Variants in CDH23 observed in about 807,000 individuals in gnomAD.
CDH23 encodes the protein cadherin related 23, also known as cadherin-23.
A neutral mutation model predicts 317.1 loss-of-function variants in CDH23; 189 were observed. That is an observed-to-expected ratio of 0.60 (90% confidence interval 0.53 to 0.67). The LOEUF (loss-of-function observed/expected upper bound fraction) is 0.67. CDH23 is among the 30% of genes least tolerant of loss of function. The pLI is 0.00. For synonymous variants in CDH23, 1,839 were observed against 1,876.8 expected (o/e 0.98, Z 0.52); for missense variants, 4,401 against 4,592.4 (o/e 0.96, Z 1.20).
intron 4 of CDH23, 81 bp from the exon 5 acceptor site, chr10:71,510,873 C>T (rs1253876455): frequency 4.4e-5 from 61 of 1,381,594 alleles, no homozygotes; most frequent in Non-Finnish European, 6.3e-5. Context: ...TCCTGGAGCC[C>T]CTCCCGCCCC....
chr10:71,791,082 A>T (rs764548729), intron 46 of CDH23, 50 bp from the exon 47 acceptor site: 3 of 1,478,158 alleles, frequency 2.0e-6, no homozygotes, highest in Non-Finnish European at 1.8e-6. Context: ...CTGTCTTCCC[A>T]CCGCACCCCT....
intron 38 of CDH23, among the ~76,000 whole-genome samples, chr10:71,767,839 T>C (rs985424791): frequency 6.6e-6 from 1 of 152,168 alleles, no homozygotes; most frequent in Non-Finnish European, 1.5e-5. Context: ...CCAGGCTCTA[T>C]TGAAGGAAGC....
intron 6 of CDH23, among the ~76,000 whole-genome samples, chr10:71,558,100 C>T (rs952688679): frequency 6.6e-6 from 1 of 151,986 alleles, no homozygotes; most frequent in Non-Finnish European, 1.5e-5. Flanking sequence ...TGGGTTCAAG[C>T]GTTTCTCCTG....
At chr10:71,712,940 C>A in intron 28 of CDH23, 127 bp downstream of exon 28, 2 of 1,117,760 alleles carry the variant, frequency 1.8e-6, no homozygotes, top group Non-Finnish European at 1.3e-6. Context: ...GGGTCCGCTG[C>A]TCTGGAAGGT....
At chr10:71,802,670 T>G (rs1175756026) in intron 53 of CDH23, among the ~76,000 whole-genome samples, 3 of 152,212 alleles carry the variant, frequency 2.0e-5, no homozygotes, top group African/African-American at 7.2e-5. Flanking sequence ...GAGTGTTTAC[T>G]TGAGCCACGC....
chr10:71,751,087 C>A lies in CDH23; in HGVS notation c.4845+9166C>A, dbSNP rs1839985964. ...GCCGTCCAGCATCCCCATGTAGCAT[C>A]CAGAGGGGTTGAGGGGCTGGGCTTC... is the stretch of plus-strand genomic sequence containing the variant. On this transcript the variant is annotated intron_variant, in intron 38 of 69. Transcript: ENST00000224721. The surrounding 1 kb of genome is among the most constrained non-coding windows in gnomAD (Gnocchi z 4.9). 1.2e-6 allele frequency: 1 copy of A among 804,644 alleles called. No homozygotes were observed. Among genetic ancestry groups the A allele is most frequent in the African/African-American group, 1.8e-5 (1 of 56,896 alleles). The allele number at this position is 804,644 out of a possible 1,614,324, so 49.8% of individuals were successfully genotyped here.
At chr10:71,800,500 TGCTGGGG>T in intron 52 of CDH23, 129 bp from the exon 53 acceptor site, 4 of 1,090,134 alleles carry the variant, frequency 3.7e-6, no homozygotes, top group Non-Finnish European at 5.2e-6. Context: ...AATGGGAGCT[TGCTGGGG>T]GCAGAGGTTA....
chr10:71,679,700 A>C (rs1352361162), intron 17 of CDH23, among the ~76,000 whole-genome samples: 1 of 152,216 alleles, frequency 6.6e-6, no homozygotes, highest in African/African-American at 2.4e-5. Context: ...CCTCATCAGC[A>C]GGATCTCTCT....
At chr10:71,738,859 A>C (rs1564768326) in intron 35 of CDH23, among the ~76,000 whole-genome samples, 1 of 152,258 alleles carries the variant, frequency 6.6e-6, no homozygotes, top group Admixed American at 6.5e-5. Flanking sequence ...TCATGTGGAC[A>C]TGGAGCCCGA....
chr10:71,678,797 C>T (rs1331962703), intron 16 of CDH23, among the ~76,000 whole-genome samples: 2 of 152,240 alleles, frequency 1.3e-5, no homozygotes, highest in Admixed American at 6.5e-5. Context: ...GCCTTCTTTC[C>T]TCCTTGCTTT....
At chr10:71,660,539 C>T (rs10823814) in intron 14 of CDH23, among the ~76,000 whole-genome samples, 13,781 of 152,100 alleles carry the variant, frequency 0.091, 1,470 homozygotes, top group African/African-American at 0.24. Flanking sequence ...AAAAAGGGAA[C>T]CTCCCCTCCC....
rs143703794 is a variant in CDH23, at chr10:71,512,587, C to A, written c.429+1375C>A. On this transcript the variant is annotated intron_variant, in intron 6 of 69. Transcript: ENST00000224721. The stretch of plus-strand genomic sequence containing the variant: ...CTTGGACCCATTGCTCAGCTGCCAT[C>A]CTGGCAGGCATGGCTGCCCTCTCTT... 1.9e-3 allele frequency among the ~76,000 whole-genome samples: 288 copies of A among 152,364 alleles called. 2 individuals carry two copies. The highest frequency in any genetic ancestry group is 6.6e-3 in the African/African-American group (274 of 41,586).
chr10:71,775,472 C>A, intron 38 of CDH23, among the ~76,000 whole-genome samples: 1 of 152,218 alleles, frequency 6.6e-6, no homozygotes, highest in East Asian at 1.9e-4. Context: ...CTCCCTACCA[C>A]ACTGCCCACC....
intron 38 of CDH23, among the ~76,000 whole-genome samples, chr10:71,776,355 A>G (rs1029840963): frequency 2.0e-5 from 3 of 152,082 alleles, no homozygotes; most frequent in South Asian, 2.1e-4. Flanking sequence ...CAAGGAAAAA[A>G]CCATATGCAA....
At chr10:71,734,491 C>T in intron 33 of CDH23, 150 bp downstream of exon 33, 1 of 1,544,626 alleles carries the variant, frequency 6.5e-7, no homozygotes, top group South Asian at 1.2e-5. Flanking sequence ...TCCAGCCATG[C>T]CACACCTTCC....
intron 28 of CDH23, among the ~76,000 whole-genome samples, chr10:71,720,135 C>T (rs1296173081): frequency 6.6e-6 from 1 of 152,222 alleles, no homozygotes; most frequent in African/African-American, 2.4e-5. Context: ...TGGAGAGGGG[C>T]TACAAGCCAT....
In CDH23 at chr10:71,705,053, C is replaced by T. The variant is rs779133533; in HGVS notation, c.2876C>T (p.Ala959Val). 35 of 1,612,540 alleles carry T rather than the reference C, an allele frequency of 2.2e-5. No individual in the cohort carries two copies. The highest frequency in any genetic ancestry group is 1.6e-4 in the Middle Eastern group (1 of 6,082). ...TTTELDRERI[A>V]EYQLRVVASD... ...ACCGAGCTGGACCGCGAGCGCATCG[C>T]GGAGTACCAGCTGCGGGTGGTGGCC... The change falls in exon 25 of 70, where the codon GCG (alanine) becomes GTG (valine). Residue 959 changes from alanine (A) to valine (V), a missense_variant. By Grantham distance (64) the Ala-to-Val change is moderately conservative. Transcript: ENST00000224721.
At chr10:71,714,963 G>A (rs1866143748) in intron 28 of CDH23, 2 of 152,290 alleles carry the variant, frequency 1.3e-5, no homozygotes. Flanking sequence ...ATCCTGGGGT[G>A]GGACTGCTTT....
At position 71,811,608 on chromosome 10, in the gene CDH23, C is replaced by G. The variant is rs1006769287; in HGVS notation, c.9278+18C>G. ...AGGACTGTGTGAGTGTCCCCCACCCCTGCCATCAGGGGGCCGACCACCTGC... is the reference window on the plus strand; with the variant it reads ...AGGACTGTGTGAGTGTCCCCCACCCGTGCCATCAGGGGGCCGACCACCTGC... On this transcript the variant is annotated intron_variant, in intron 64 of 69. Coordinates refer to ENST00000224721, the MANE Select transcript of CDH23 (RefSeq NM_022124.6). The G allele has an allele frequency of 6.2e-6, 10 of 1,613,904 alleles. No individual in the cohort carries two copies. In the East Asian group the frequency reaches 1.6e-4, roughly 25 times the overall value.
Sources: gnomAD v4.1 joint callset for allele counts (sites outside exome capture counted in the v4.1 genomes callset) on GRCh38, gnomAD v4.1.1 for gene constraint, Gnocchi (gnomAD v3.1) non-coding constraint, MANE v1.5 for transcripts, NCBI Gene and HGNC (gene_info 2026-07-23, HGNC 2026-07-21) for gene names.